SEL1L2: variants seen among roughly 807,000 people sequenced by gnomAD.
SEL1L2 encodes the protein protein sel-1 homolog 2.
SEL1L2 carries 89 observed loss-of-function variants against 98.8 expected under a neutral mutation model. The observed-to-expected ratio is 0.90, with a 90% CI of 0.76 to 1.07. The LOEUF (loss-of-function observed/expected upper bound fraction) is 1.07. SEL1L2 is among the 50% of genes least tolerant of loss of function. The pLI, the probability that SEL1L2 is intolerant of heterozygous loss-of-function variation, is 0.00. For missense variants in SEL1L2, 788 were observed against 812.0 expected (o/e 0.97, Z 0.36); for synonymous variants, 262 against 278.5 (o/e 0.94, Z 0.59).
At chr20:13,957,012 G>C (rs752328677) in intron 1 of SEL1L2, among the ~76,000 whole-genome samples, 4 of 151,960 alleles carry the variant, frequency 2.6e-5, no homozygotes, top group Non-Finnish European at 4.4e-5. Flanking sequence ...TCAAAATTTT[G>C]TATTTCCAAA....
intron 11 of SEL1L2, 118 bp from the exon 12 acceptor site, chr20:13,876,233 T>C: frequency 1.4e-6 from 1 of 721,288 alleles, no homozygotes; most frequent in Non-Finnish European, 2.5e-6. Flanking sequence ...TAAATGCCAC[T>C]GTAAATGCCA....
At chr20:13,923,512 T>C (rs1011276682) in intron 3 of SEL1L2, among the ~76,000 whole-genome samples, 22 of 152,208 alleles carry the variant, frequency 1.4e-4, no homozygotes, top group Non-Finnish European at 1.2e-4. Flanking sequence ...CTCACACCTG[T>C]AATCCCAGCA....
chr20:13,888,063 C>T, intron 6 of SEL1L2, 62 bp from the exon 7 acceptor site: 3 of 1,403,170 alleles, frequency 2.1e-6, no homozygotes, highest in Non-Finnish European at 3.0e-6. Flanking sequence ...AAATTTGAAA[C>T]TCAAACCAAG....
chr20:13,949,133 T>C (rs981767399), intron 2 of SEL1L2, among the ~76,000 whole-genome samples: 1 of 152,170 alleles, frequency 6.6e-6, no homozygotes. Context: ...GAGAAAATAT[T>C]TGCAAATTAG....
At chr20:13,981,921 T>A (rs1310222021) in intron 1 of SEL1L2, among the ~76,000 whole-genome samples, 1 of 152,210 alleles carries the variant, frequency 6.6e-6, no homozygotes, top group Non-Finnish European at 1.5e-5. Context: ...CAAGAACATT[T>A]CTGAAGCAGC....
intron 17 of SEL1L2, among the ~76,000 whole-genome samples, chr20:13,860,346 C>T (rs1989905399): frequency 6.6e-6 from 1 of 152,202 alleles, no homozygotes; most frequent in Admixed American, 6.5e-5. Context: ...CTCTTCAACC[C>T]ACTCCAAACT....
intron 18 of SEL1L2, among the ~76,000 whole-genome samples, chr20:13,857,275 C>T (rs932213634): frequency 1.3e-5 from 2 of 150,164 alleles, no homozygotes; most frequent in African/African-American, 4.9e-5. Flanking sequence ...AGAGACTGCT[C>T]AAAATGAACT....
At chr20:13,858,095 TG>T (rs2147754456) in intron 18 of SEL1L2, among the ~76,000 whole-genome samples, 1 of 152,162 alleles carries the variant, frequency 6.6e-6, no homozygotes, top group South Asian at 2.1e-4. Context: ...CCAGGGCTAA[TG>T]AAAAATGATC....
chr20:13,902,505 C>T (rs1045990779), intron 5 of SEL1L2, among the ~76,000 whole-genome samples: 1 of 152,098 alleles, frequency 6.6e-6, no homozygotes, highest in African/African-American at 2.4e-5. Context: ...CCATTGCGAT[C>T]ATTATTCATT....
At chr20:13,893,451 C>T (rs970801599) in intron 5 of SEL1L2, among the ~76,000 whole-genome samples, 1 of 152,088 alleles carries the variant, frequency 6.6e-6, no homozygotes, top group Admixed American at 6.6e-5. Context: ...AAAAGGTTCG[C>T]TTCATTAGAA....
intron 12 of SEL1L2, among the ~76,000 whole-genome samples, chr20:13,872,500 G>A (rs2046249536): frequency 6.6e-6 from 1 of 152,088 alleles, no homozygotes; most frequent in Admixed American, 6.6e-5. Flanking sequence ...ATTTTCTGAG[G>A]CCTCCCCAGC....
intron 1 of SEL1L2, among the ~76,000 whole-genome samples, chr20:13,969,483 T>A (rs2051189370): frequency 1.3e-5 from 2 of 152,308 alleles, no homozygotes; most frequent in South Asian, 4.1e-4. Context: ...AGATCATGGA[T>A]GTGAAAGTGC....
chr20:13,975,458 C>T (rs550877923), intron 1 of SEL1L2, among the ~76,000 whole-genome samples: 1 of 152,172 alleles, frequency 6.6e-6, no homozygotes, highest in South Asian at 2.1e-4. Flanking sequence ...CTTAAAATAA[C>T]AGAGGTAATA....
chr20:13,877,071 T>C (rs901896628), intron 11 of SEL1L2, among the ~76,000 whole-genome samples: 2 of 152,066 alleles, frequency 1.3e-5, no homozygotes, highest in African/African-American at 4.8e-5. Flanking sequence ...ACAATCCACC[T>C]GCCTCAGCCT....
intron 17 of SEL1L2, among the ~76,000 whole-genome samples, chr20:13,859,849 G>A (rs1437123150): frequency 2.6e-5 from 4 of 152,166 alleles, no homozygotes; most frequent in Admixed American, 6.5e-5. Context: ...CCAGGCGCCC[G>A]CCACCATGCC....
intron 18 of SEL1L2, among the ~76,000 whole-genome samples, chr20:13,853,119 C>T (rs922637503): frequency 1.3e-5 from 2 of 152,124 alleles, no homozygotes; most frequent in African/African-American, 2.4e-5. Flanking sequence ...TTTTACTCAG[C>T]ATAATATTAC....
At chr20:13,896,865 T>C (rs2047448857) in intron 5 of SEL1L2, among the ~76,000 whole-genome samples, 1 of 152,188 alleles carries the variant, frequency 6.6e-6, no homozygotes, top group Non-Finnish European at 1.5e-5. Flanking sequence ...GCAATCCCTA[T>C]TAAAATATCA....
chr20:13,849,484 C>A lies in SEL1L2; in HGVS notation c.*1G>T, dbSNP rs766068262. ...GAGCAGGTTTTCCTGTGATCCGCAT[C>A]CTACCCATGGTGATTTCTAAGCAAC... On this transcript the variant is annotated 3_prime_UTR_variant, in exon 20 of 20. Transcript: ENST00000284951. 12 of 1,613,704 alleles carry A rather than the reference C, an allele frequency of 7.4e-6. No homozygotes were observed. The highest frequency in any genetic ancestry group is 1.3e-5 in the African/African-American group (1 of 74,904).
intron 2 of SEL1L2, 92 bp downstream of exon 2, chr20:13,955,984 C>A: frequency 2.9e-6 from 2 of 698,004 alleles, no homozygotes; most frequent in African/African-American, 1.9e-5. Context: ...AAAAAAGAGA[C>A]AATAGTTAAT....
Sources: allele counts gnomAD v4.1 joint callset (sites outside exome capture counted in the v4.1 genomes callset), GRCh38; gene constraint gnomAD v4.1.1; transcripts MANE v1.5; gene names NCBI Gene and HGNC (gene_info 2026-07-23, HGNC 2026-07-21).